Variants in RUNX1 observed in about 807,000 individuals in gnomAD.
The protein encoded by RUNX1 is runt-related transcription factor 1.
RUNX1 carries 19 observed loss-of-function variants against 42.8 expected under a neutral mutation model. The ratio of observed to expected loss-of-function variants is 0.44; its 90% CI spans 0.31 to 0.65. The LOEUF is 0.65. Ranked by LOEUF, RUNX1 falls within the 30% of genes least tolerant of loss-of-function variation. The pLI is 0.07. For synonymous variants in RUNX1, 271 were observed against 289.4 expected (o/e 0.94, Z 0.64); for missense variants, 528 against 672.0 (o/e 0.79, Z 2.37).
chr21:34,826,182 G>A (rs867115091), intron 7 of RUNX1, among the ~76,000 whole-genome samples: 2 of 152,168 alleles, frequency 1.3e-5, no homozygotes, highest in African/African-American at 4.8e-5. Flanking sequence ...GTGTTGATGA[G>A]GCCTTTGCAG....
At chr21:34,962,400 C>A (rs913932752) in intron 2 of RUNX1, among the ~76,000 whole-genome samples, 4 of 152,130 alleles carry the variant, frequency 2.6e-5, no homozygotes, top group African/African-American at 9.7e-5. Flanking sequence ...AAGAAAGTTT[C>A]TTTCTCTGCT....
chr21:35,035,957 G>A (rs1234693057), intron 2 of RUNX1, among the ~76,000 whole-genome samples: 1 of 152,226 alleles, frequency 6.6e-6, no homozygotes, highest in African/African-American at 2.4e-5. Flanking sequence ...AGAGGGTTAA[G>A]GGTTGGAACT....
intron 6 of RUNX1, among the ~76,000 whole-genome samples, chr21:34,835,944 T>G (rs1230687049): frequency 1.3e-5 from 2 of 152,162 alleles, no homozygotes; most frequent in Non-Finnish European, 2.9e-5. Context: ...ATGGTATAAC[T>G]TGCATGATGG....
chr21:34,860,718 A>T (rs901005971), intron 5 of RUNX1, among the ~76,000 whole-genome samples: 40 of 152,232 alleles, frequency 2.6e-4, no homozygotes, highest in Admixed American at 1.3e-3. Flanking sequence ...AAGACAGATG[A>T]AAGGAAAATA....
intron 2 of RUNX1, among the ~76,000 whole-genome samples, chr21:34,958,690 C>T (rs2058662425): frequency 6.6e-6 from 1 of 152,106 alleles, no homozygotes; most frequent in Non-Finnish European, 1.5e-5. Flanking sequence ...CCCAGCCATC[C>T]CTTTACTGGG....
In RUNX1 at chr21:34,789,532, G is replaced by A; in HGVS notation, c.*2603C>T. The A allele has an allele frequency of 4.3e-6, 1 of 233,452 alleles. No homozygotes were observed. The highest frequency in any genetic ancestry group is 8.5e-6 in the Non-Finnish European group (1 of 118,020). The allele number at this position is 233,452 out of a possible 1,614,324, so 14.5% of individuals were successfully genotyped here. ...CATTGATACCTTAACTTTCCTGAGGGCAATGAATAAAAAGATACCTTAATC... is the reference window on the plus strand; with the variant it reads ...CATTGATACCTTAACTTTCCTGAGGACAATGAATAAAAAGATACCTTAATC... On this transcript the variant is annotated 3_prime_UTR_variant, in exon 9 of 9. Coordinates refer to ENST00000675419, the MANE Select transcript of RUNX1 (RefSeq NM_001754.5).
At chr21:34,927,183 G>T (rs2058402051) in intron 2 of RUNX1, among the ~76,000 whole-genome samples, 2 of 152,198 alleles carry the variant, frequency 1.3e-5, no homozygotes, top group Admixed American at 1.3e-4. Flanking sequence ...CCATTAAAGA[G>T]CTGGAGTTTA....
At chr21:35,024,547 A>G (rs1019849075) in intron 2 of RUNX1, among the ~76,000 whole-genome samples, 2 of 149,900 alleles carry the variant, frequency 1.3e-5, no homozygotes, top group Admixed American at 6.6e-5. Flanking sequence ...CAAAAGACTT[A>G]GAACTGACTT....
At chr21:34,957,859 G>GC (rs2058655802) in intron 2 of RUNX1, among the ~76,000 whole-genome samples, 1 of 152,110 alleles carries the variant, frequency 6.6e-6, no homozygotes, top group Admixed American at 6.5e-5. Flanking sequence ...TGTAGTGTAG[G>GC]CAGTTTACTC....
chr21:34,845,676 G>C (rs924707996), intron 6 of RUNX1, among the ~76,000 whole-genome samples: 1 of 152,122 alleles, frequency 6.6e-6, no homozygotes, highest in Non-Finnish European at 1.5e-5. Context: ...TTTCCCAGCC[G>C]GAGGGGGACC....
chr21:34,920,763 A>C (rs1051997181), intron 2 of RUNX1, among the ~76,000 whole-genome samples: 1 of 139,952 alleles, frequency 7.1e-6, no homozygotes, highest in African/African-American at 2.5e-5. Flanking sequence ...TGTAAATACC[A>C]GGAGCTAAAT....
At chr21:34,813,261 C>G (rs1458460444) in intron 7 of RUNX1, among the ~76,000 whole-genome samples, 1 of 152,106 alleles carries the variant, frequency 6.6e-6, no homozygotes, top group Non-Finnish European at 1.5e-5. Context: ...ATCCTGCCCA[C>G]AAGATCAAGC....
At chr21:34,927,173 C>A (rs1222146641) in intron 2 of RUNX1, among the ~76,000 whole-genome samples, 1 of 152,102 alleles carries the variant, frequency 6.6e-6, no homozygotes, top group Non-Finnish European at 1.5e-5. Flanking sequence ...GAAAGTGAGG[C>A]CATTAAAGAG....
intron 2 of RUNX1, among the ~76,000 whole-genome samples, chr21:34,894,433 CTTAG>C (rs1047412536): frequency 6.6e-6 from 1 of 151,984 alleles, no homozygotes; most frequent in Non-Finnish European, 1.5e-5. Context: ...TAAAAACTTT[CTTAG>C]TTTGTTGTGT....
rs117177934 is a variant in RUNX1 at position 34,898,577 on chromosome 21, G to A, written c.59-5614C>T. ...ATCTCACTGTTGATTGTGGATCACC[G>A]GAGAGCAGGGGTGTTTTTTATTGAG... On this transcript the variant is annotated intron_variant, in intron 2 of 8. Transcript: ENST00000675419. Among the ~76,000 whole-genome samples, 37 of 152,164 alleles carry A rather than the reference G, an allele frequency of 2.4e-4. 1 individual carries two copies. In the East Asian group the frequency reaches 4.6e-3, roughly 19 times the overall value.
chr21:34,963,349 G>T (rs2058694918), intron 2 of RUNX1, among the ~76,000 whole-genome samples: 1 of 152,160 alleles, frequency 6.6e-6, no homozygotes, highest in South Asian at 2.1e-4. Flanking sequence ...GACAGTAGTG[G>T]CCTTTTAAAG....
At position 34,837,271 on chromosome 21, in the gene RUNX1, C is replaced by T. The variant is rs565414846; in HGVS notation, c.614-2670G>A. Among the ~76,000 whole-genome samples the T allele has an allele frequency of 1.2e-3, 176 of 152,280 alleles. 2 individuals are homozygous for T. The Middle Eastern group carries it at 0.017, about 15-fold the overall frequency. On this transcript the variant is annotated intron_variant, in intron 6 of 8. Transcript: ENST00000675419. ...GGAAGAGCCCATTCCACTCTCCCCA[C>T]GTGTGTTCCTGGGAGTCAGTAGGAA...
At chr21:34,808,376 C>T (rs1191324366) in intron 7 of RUNX1, among the ~76,000 whole-genome samples, 7 of 152,134 alleles carry the variant, frequency 4.6e-5, no homozygotes, top group Admixed American at 6.5e-5. Flanking sequence ...AGGCTGCCTG[C>T]GGGAAGGAAG....
At position 34,811,044 on chromosome 21, in the gene RUNX1, C is replaced by T. The variant is rs112157727; in HGVS notation, c.806-11582G>A. On this transcript the variant is annotated intron_variant, in intron 7 of 8. Coordinates refer to ENST00000675419, the MANE Select transcript of RUNX1 (RefSeq NM_001754.5). ...ATAGCCACCCTGCAGAACACAGCTGCGTCAGGGCCTCACAGCAGTGTTGCA... is the reference window on the plus strand; with the variant it reads ...ATAGCCACCCTGCAGAACACAGCTGTGTCAGGGCCTCACAGCAGTGTTGCA... 6.8e-4 allele frequency among the ~76,000 whole-genome samples: 103 copies of T among 152,340 alleles called. 1 individual carries two copies. In the Middle Eastern group the frequency reaches 0.01, roughly 15 times the overall value.
Sources: allele counts gnomAD v4.1 joint callset (sites outside exome capture counted in the v4.1 genomes callset), GRCh38; gene constraint gnomAD v4.1.1; transcripts MANE v1.5; gene names NCBI Gene and HGNC (gene_info 2026-07-23, HGNC 2026-07-21).